C1orf87: variants seen among roughly 807,000 people sequenced by gnomAD.
C1orf87 encodes the protein chromosome 1 open reading frame 87, also known as uncharacterized protein C1orf87.
A neutral mutation model predicts 60.5 loss-of-function variants in C1orf87; 58 were observed. The ratio of observed to expected loss-of-function variants is 0.96; its 90% CI spans 0.78 to 1.19. The LOEUF is 1.19. Ranked by LOEUF, C1orf87 falls within the 50% of genes most tolerant of loss-of-function variation. The pLI is 0.00. For synonymous variants in C1orf87, 236 were observed against 227.4 expected (o/e 1.04, Z -0.34); for missense variants, 673 against 638.6 (o/e 1.05, Z -0.58).
rs1183181149 is a variant in C1orf87 at position 60,055,199 on chromosome 1, C to T, written c.342+5G>A. 1 of 1,605,852 alleles carries T rather than the reference C, an allele frequency of 6.2e-7. No individual in the cohort carries two copies. The highest frequency in any genetic ancestry group is 8.5e-7 in the Non-Finnish European group (1 of 1,173,078). On this transcript the variant is annotated splice_donor_5th_base_variant and intron_variant, in intron 3 of 11. Coordinates refer to ENST00000371201, the MANE Select transcript of C1orf87 (RefSeq NM_152377.3). ...AGATAAACGTGGGTATTTTTTGTCACTCACATTGCCATCCAGGAATCTGCT... is the reference window on the plus strand; with the variant it reads ...AGATAAACGTGGGTATTTTTTGTCATTCACATTGCCATCCAGGAATCTGCT...
At chr1:60,032,767 G>T (rs1645248220) in intron 7 of C1orf87, among the ~76,000 whole-genome samples, 1 of 151,998 alleles carries the variant, frequency 6.6e-6, no homozygotes. Context: ...TATTAAATGG[G>T]TATTATAAGG....
At chr1:60,006,383 T>G (rs2100250328) in intron 9 of C1orf87, among the ~76,000 whole-genome samples, 1 of 152,254 alleles carries the variant, frequency 6.6e-6, no homozygotes, top group Middle Eastern at 3.4e-3. Context: ...TTTGCTTTTC[T>G]TTCCCTTCAA....
At chr1:59,990,878 A>C in intron 11 of C1orf87, 45 bp from the exon 12 acceptor site, 1 of 1,578,980 alleles carries the variant, frequency 6.3e-7, no homozygotes, top group South Asian at 1.1e-5. Context: ...AAGAGGATGG[A>C]GGGAAAACAG....
At chr1:60,027,454 C>T (rs1645207370) in intron 7 of C1orf87, among the ~76,000 whole-genome samples, 1 of 152,210 alleles carries the variant, frequency 6.6e-6, no homozygotes, top group South Asian at 2.1e-4. Flanking sequence ...TCCTCTGGCC[C>T]TGCATGGTGT....
intron 2 of C1orf87, among the ~76,000 whole-genome samples, chr1:60,068,947 G>A (rs1016572906): frequency 1.3e-5 from 2 of 152,090 alleles, no homozygotes; most frequent in African/African-American, 4.8e-5. Flanking sequence ...TTTATTTAAA[G>A]CAACTAAGTA....
intron 9 of C1orf87, among the ~76,000 whole-genome samples, chr1:60,003,581 A>ATT (rs1645022944): frequency 6.6e-6 from 1 of 152,124 alleles, no homozygotes; most frequent in Non-Finnish European, 1.5e-5. Context: ...ATTTTTACAA[A>ATT]TAAATTCACA....
At chr1:59,992,224 C>CTATT (rs71582609) in intron 11 of C1orf87, among the ~76,000 whole-genome samples, 37,689 of 143,392 alleles carry the variant, frequency 0.26, 5,188 homozygotes, top group Middle Eastern at 0.35. Flanking sequence ...AAGTAGGGGT[C>CTATT]TATTTATTTA....
intron 6 of C1orf87, among the ~76,000 whole-genome samples, chr1:60,037,563 C>T (rs180894415): frequency 1.1e-4 from 16 of 152,264 alleles, no homozygotes; most frequent in South Asian, 2.1e-4. Flanking sequence ...CTCTTGGTAA[C>T]GAACTCACTC....
chr1:60,035,034 G>T (rs1045850570), intron 6 of C1orf87, among the ~76,000 whole-genome samples: 1 of 152,028 alleles, frequency 6.6e-6, no homozygotes, highest in Non-Finnish European at 1.5e-5. Context: ...GTACAGAGAA[G>T]GAATAGTGGG....
chr1:60,012,797 G>A (rs1264803545), intron 8 of C1orf87, among the ~76,000 whole-genome samples: 1 of 152,032 alleles, frequency 6.6e-6, no homozygotes, highest in Non-Finnish European at 1.5e-5. Flanking sequence ...CCATCTTATG[G>A]GGCATGTAAG....
intron 11 of C1orf87, 71 bp from the exon 12 acceptor site, chr1:59,990,904 A>G: frequency 6.9e-7 from 1 of 1,448,988 alleles, no homozygotes; most frequent in South Asian, 1.3e-5. Flanking sequence ...ACTATATATT[A>G]GCTTGAATGA....
chr1:60,056,482 T>G (rs967741129), intron 2 of C1orf87, among the ~76,000 whole-genome samples: 2 of 152,190 alleles, frequency 1.3e-5, no homozygotes, highest in African/African-American at 4.8e-5. Context: ...TTTCATTCTT[T>G]GCTTGTGATA....
intron 2 of C1orf87, among the ~76,000 whole-genome samples, chr1:60,071,923 C>T (rs947138112): frequency 6.6e-6 from 1 of 152,116 alleles, no homozygotes; most frequent in East Asian, 1.9e-4. Flanking sequence ...AGTACCTTCC[C>T]TCCTTTTTTG....
intron 2 of C1orf87, among the ~76,000 whole-genome samples, chr1:60,066,816 A>T (rs1645549710): frequency 6.6e-6 from 1 of 151,510 alleles, no homozygotes; most frequent in Non-Finnish European, 1.5e-5. Context: ...TCTAATGTTA[A>T]CCCTCCCCTT....
chr1:60,026,680 C>T (rs2100277665), intron 7 of C1orf87, among the ~76,000 whole-genome samples: 1 of 152,140 alleles, frequency 6.6e-6, no homozygotes, highest in Non-Finnish European at 1.5e-5. Flanking sequence ...CTAATAGTAA[C>T]TACATAAAAA....
intron 2 of C1orf87, among the ~76,000 whole-genome samples, chr1:60,072,109 A>T (rs1351503935): frequency 6.6e-6 from 1 of 152,196 alleles, no homozygotes; most frequent in Non-Finnish European, 1.5e-5. Context: ...TATCAAATAC[A>T]AACAGGAGTA....
intron 9 of C1orf87, among the ~76,000 whole-genome samples, chr1:60,003,514 C>T (rs1341014139): frequency 6.6e-6 from 1 of 151,912 alleles, no homozygotes; most frequent in Non-Finnish European, 1.5e-5. Context: ...AAGCAAATAC[C>T]TGAAACACAG....
At chr1:60,016,658 A>C (rs1264582119) in intron 8 of C1orf87, among the ~76,000 whole-genome samples, 1 of 152,164 alleles carries the variant, frequency 6.6e-6, no homozygotes, top group Non-Finnish European at 1.5e-5. Context: ...GCCAGCTAGG[A>C]CTCATGCTGG....
intron 8 of C1orf87, among the ~76,000 whole-genome samples, chr1:60,019,480 TG>T (rs2100268195): frequency 6.6e-6 from 1 of 151,844 alleles, no homozygotes; most frequent in South Asian, 2.1e-4. Flanking sequence ...ACCAGGAGAG[TG>T]GGGCACTGCT....
Sources: allele counts gnomAD v4.1 joint callset (sites outside exome capture counted in the v4.1 genomes callset), GRCh38; gene constraint gnomAD v4.1.1; transcripts MANE v1.5; gene names NCBI Gene and HGNC (gene_info 2026-07-23, HGNC 2026-07-21).